TENM1: variants seen among roughly 807,000 people sequenced by gnomAD.
TENM1 encodes teneurin-1.
Under a neutral mutation model 174.8 loss-of-function variants are expected in TENM1, and 35 were observed. The observed-to-expected ratio is 0.20, with a 90% CI of 0.15 to 0.27. The LOEUF is 0.27. TENM1 is among the 10% of genes least tolerant of loss of function. The probability of loss-of-function intolerance (pLI) is 1.00; values close to 1 mark genes in which losing one functional copy is unlikely to be tolerated. For synonymous variants in TENM1, 781 were observed against 798.7 expected (o/e 0.98, Z 0.37); for missense variants, 1,633 against 2,130.1 (o/e 0.77, Z 4.59).
intron 11 of TENM1, among the ~76,000 whole-genome samples, chrX:124,630,546 T>C (rs1396613692): frequency 2.7e-5 from 3 of 111,977 alleles, no homozygotes; most frequent in Non-Finnish European, 5.6e-5. Flanking sequence ...AATGTGAATT[T>C]AGGTTACAAA....
At chrX:124,646,837 A>C (rs2051172120) in intron 8 of TENM1, 27 bp from the exon 12 acceptor site, 2 of 1,034,643 alleles carry the variant, frequency 1.9e-6, no homozygotes, top group South Asian at 2.0e-5. Context: ...AAAGATAAAA[A>C]AAATGAACGC....
chrX:125,154,714 T>C, the TENM1 span, among the ~76,000 whole-genome samples: 4 of 110,430 alleles, frequency 3.6e-5, no homozygotes, highest in African/African-American at 1.3e-4. Flanking sequence ...TTTCTTCTGA[T>C]GTTCGGATGT....
intron 16 of TENM1, 71 bp downstream of exon 19, chrX:124,529,793 A>G: frequency 1.7e-6 from 2 of 1,181,944 alleles, no homozygotes; most frequent in Non-Finnish European, 2.3e-6. Flanking sequence ...GTATCATCTG[A>G]GCCCTGGTTT....
rs139887891 is a variant in TENM1, at chrX:124,707,218, G to C, written c.777-1967C>G. On this transcript the variant is annotated intron_variant, in intron 4 of 31. Coordinates refer to ENST00000422452, the Ensembl canonical transcript of TENM1. ...GGGTTTCACCATGTTGCCCAGGCTG[G>C]TCTTGAACTCCTGAGCTCAGGCAAT... 8.3e-4 allele frequency among the ~76,000 whole-genome samples: 93 copies of C among 111,545 alleles called. 1 individual carries two copies. The East Asian group carries it at 0.022, about 27-fold the overall frequency.
intron 4 of TENM1, among the ~76,000 whole-genome samples, chrX:124,726,843 A>AT (rs2053452549): frequency 8.9e-6 from 1 of 112,339 alleles, no homozygotes; most frequent in Non-Finnish European, 1.9e-5. Flanking sequence ...CTTAAAGGGT[A>AT]TTTTTCCATA....
At chrX:124,939,882 C>T (rs187260941) in intron 1 of TENM1, among the ~76,000 whole-genome samples, 38 of 112,191 alleles carry the variant, frequency 3.4e-4, no homozygotes, top group African/African-American at 1.2e-3. Context: ...CTGCCAGTTA[C>T]TCTTTGTTAT....
intron 1 of TENM1, among the ~76,000 whole-genome samples, chrX:124,918,338 T>C (rs148903079): frequency 0.017 from 1,841 of 110,031 alleles, 37 homozygotes; most frequent in African/African-American, 0.058. Flanking sequence ...TGCCACCACG[T>C]CTGGCTAATT....
intron 15 of TENM1, among the ~76,000 whole-genome samples, chrX:124,530,856 C>A (rs1235645134): frequency 8.9e-6 from 1 of 112,122 alleles, no homozygotes; most frequent in East Asian, 2.8e-4. Context: ...GGACATAGTC[C>A]ACTAAAACAT....
chrX:124,428,164 C>T (rs1477988694), intron 23 of TENM1, among the ~76,000 whole-genome samples: 2 of 112,014 alleles, frequency 1.8e-5, no homozygotes, highest in African/African-American at 6.5e-5. Context: ...TGCCTATCTC[C>T]CAACAACCTT....
intron 1 of TENM1, among the ~76,000 whole-genome samples, chrX:124,905,223 G>A (rs1312417433): frequency 9.1e-6 from 1 of 110,318 alleles, no homozygotes; most frequent in Non-Finnish European, 1.9e-5. Flanking sequence ...TGAGAGACTG[G>A]GAGGATCACT....
At chrX:124,783,952 G>C (rs2054979022) in intron 3 of TENM1, among the ~76,000 whole-genome samples, 1 of 112,404 alleles carries the variant, frequency 8.9e-6, no homozygotes, top group Non-Finnish European at 1.9e-5. Flanking sequence ...CTGGAATCAT[G>C]CATGTGTGAG....
At chrX:125,162,854 C>T in the TENM1 span, among the ~76,000 whole-genome samples, 1 of 111,253 alleles carries the variant, frequency 9.0e-6, no homozygotes, top group Non-Finnish European at 1.9e-5. Context: ...ACTGCAAAGA[C>T]GACATGTCCA....
At position 124,915,615 on chromosome X, in the gene TENM1, T is replaced by C. The variant is rs2057910124; in HGVS notation, c.218-19374A>G. Among the ~76,000 whole-genome samples the C allele has an allele frequency of 2.7e-5, 3 of 112,481 alleles. No individual in the cohort carries two copies. In the South Asian group the frequency reaches 1.1e-3, roughly 42 times the overall value. ...CAGTATCCAAAAAACTTTGCACACA[T>C]AGAAGCATAAATAAATATTTGGTGA... On this transcript the variant is annotated intron_variant, in intron 1 of 31. Coordinates refer to ENST00000422452, the Ensembl canonical transcript of TENM1.
chrX:124,664,229 T>C (rs2051682975), intron 6 of TENM1, among the ~76,000 whole-genome samples: 1 of 111,447 alleles, frequency 9.0e-6, no homozygotes, highest in South Asian at 3.8e-4. Context: ...AAATAAAAGA[T>C]ACTGAAACTA....
chrX:125,128,620 C>T, the TENM1 span, among the ~76,000 whole-genome samples: 11 of 111,016 alleles, frequency 9.9e-5, 1 homozygote, highest in African/African-American at 3.3e-4. Context: ...TCCCATTCAC[C>T]GGCTAAATAG....
At chrX:124,419,939 T>A (rs894075302) in intron 25 of TENM1, among the ~76,000 whole-genome samples, 1 of 112,252 alleles carries the variant, frequency 8.9e-6, no homozygotes, top group Non-Finnish European at 1.9e-5. Context: ...AGTTGTTAAG[T>A]CACACTGCTT....
intron 22 of TENM1, among the ~76,000 whole-genome samples, chrX:124,474,777 C>T (rs182925925): frequency 2.1e-3 from 240 of 111,648 alleles, no homozygotes; most frequent in African/African-American, 7.5e-3. Flanking sequence ...ATTAGATGAA[C>T]TGTGCATAAA....
chrX:124,522,502 C>T (rs1286767802), intron 17 of TENM1, among the ~76,000 whole-genome samples: 3 of 109,858 alleles, frequency 2.7e-5, no homozygotes, highest in Admixed American at 9.7e-5. Flanking sequence ...GTTAAAATAT[C>T]GAGGTTCAAA....
At chrX:124,810,815 C>T (rs1310184669) in intron 3 of TENM1, among the ~76,000 whole-genome samples, 1 of 111,513 alleles carries the variant, frequency 9.0e-6, no homozygotes, top group African/African-American at 3.3e-5. Flanking sequence ...GTTACAGTAA[C>T]CAAAACAGCT....
Sources: gnomAD v4.1 joint callset for allele counts (sites outside exome capture counted in the v4.1 genomes callset) on GRCh38, gnomAD v4.1.1 for gene constraint, MANE v1.5 for transcripts, NCBI Gene and HGNC (gene_info 2026-07-23, HGNC 2026-07-21) for gene names.